Variants in PDXDC1 observed in about 807,000 individuals in gnomAD.
The protein encoded by PDXDC1 is pyridoxal dependent decarboxylase domain containing 1.
In PDXDC1, 42 loss-of-function variants were observed where a neutral mutation model predicts 100.1. The ratio of observed to expected loss-of-function variants is 0.42; its 90% CI spans 0.33 to 0.54. PDXDC1 has a LOEUF of 0.54. Among genes scored for constraint, PDXDC1 ranks in the 20% least tolerant of loss-of-function variants. The pLI is 0.10. For synonymous variants in PDXDC1, 260 were observed against 371.7 expected, an observed-to-expected ratio of 0.70 and a Z score of 3.46; for missense variants, 636 against 979.2, an observed-to-expected ratio of 0.65 and a Z score of 4.68.
chr16:15,132,590 G>A lies in PDXDC1; in HGVS notation c.1400-6289G>A. The A allele has an allele frequency of 5.4e-6, 4 of 739,984 alleles. No homozygotes were observed. The South Asian group carries it at 6.3e-5, about 12-fold the overall frequency. 45.8% of individuals were successfully genotyped at this position (739,984 alleles called of 1,614,324 possible). A position where few individuals can be genotyped will look rare whatever the true frequency, so the allele number is the denominator to read the frequency against. On this transcript the variant is annotated intron_variant, in intron 16 of 16. Coordinates refer to the PDXDC1 transcript ENST00000535621. The stretch of plus-strand genomic sequence containing the variant: ...CTACTGAAGCAGGTCAGAGACCGAG[G>A]AACGCCATGGCATGAAGGAGCCCAG...
intron 15 of PDXDC1, chr16:15,029,436 G>A (rs1162730563): frequency 2.0e-4 from 76 of 370,858 alleles, no homozygotes; most frequent in Non-Finnish European, 1.9e-4. Context: ...TCTAGCCAAT[G>A]CTGGACACGC....
chr16:15,003,080 A>T (rs1326901978), intron 4 of PDXDC1, among the ~76,000 whole-genome samples: 1 of 152,240 alleles, frequency 6.6e-6, no homozygotes, highest in African/African-American at 2.4e-5. Context: ...TATAAGGAAA[A>T]TTAGTTTTAA....
At chr16:15,027,501 G>A (rs2042701921) in intron 14 of PDXDC1, among the ~76,000 whole-genome samples, 1 of 152,290 alleles carries the variant, frequency 6.6e-6, no homozygotes, top group African/African-American at 2.4e-5. Context: ...CCAGGTTCTT[G>A]TCTTGGTGTA....
At chr16:15,061,396 C>T (rs572367311) in intron 16 of PDXDC1, 15 of 245,766 alleles carry the variant, frequency 6.1e-5, no homozygotes, top group Admixed American at 1.1e-4. Flanking sequence ...AACAGCAACC[C>T]GTAAAACAGT....
chr16:15,056,065 G>C (rs1180047031), intron 16 of PDXDC1: 1 of 399,132 alleles, frequency 2.5e-6, no homozygotes, highest in East Asian at 1.3e-4. Context: ...CGGGCCGCGC[G>C]TCCCGCCTCG....
At chr16:15,041,058 C>T (rs376147898), downstream of PDXDC1, 11 of 1,586,064 alleles carry the variant, frequency 6.9e-6, no homozygotes, top group Middle Eastern at 1.7e-4. Flanking sequence ...AAAAGATGCA[C>T]ACTACTTACC....
downstream of PDXDC1, chr16:15,041,779 T>C: frequency 1.2e-6 from 1 of 835,188 alleles, no homozygotes; most frequent in South Asian, 1.3e-5. Context: ...GCCAACTGAG[T>C]GTGCTCCGCC....
intron 11 of PDXDC1, among the ~76,000 whole-genome samples, chr16:15,017,817 A>G (rs2041907286): frequency 6.8e-6 from 1 of 146,436 alleles, no homozygotes; most frequent in African/African-American, 2.5e-5. Context: ...TTTGATATGG[A>G]GTCTCGCTCT....
rs535483075 is a variant in PDXDC1 at position 15,034,370 on chromosome 16, C to G, written c.1897C>G (p.Leu633Val). ...ELQKASEERL[L>V]EEGVLRQIPV... Reference sequence around the variant, plus strand: ...GCAGAAGGCAAGTGAAGAACGGCTTCTGGAAGAGGTGAGGCCCCCGATGGG... The same window carrying G: ...GCAGAAGGCAAGTGAAGAACGGCTTGTGGAAGAGGTGAGGCCCCCGATGGG... The change falls in exon 20 of 23, where the codon CTG (leucine) becomes GTG (valine). Residue 633 changes from leucine to valine, a missense_variant. Physicochemically the swap from Leu to Val is conservative, Grantham distance 32. This residue lies in a region of PDXDC1 where 452 missense variants were observed against 402.9 expected (regional missense o/e 1.12). Coordinates refer to ENST00000396410, the MANE Select transcript of PDXDC1 (RefSeq NM_015027.4). The G allele has an allele frequency of 6.2e-7, 1 of 1,613,438 alleles. No homozygotes were observed. The highest frequency in any genetic ancestry group is 8.5e-7 in the Non-Finnish European group (1 of 1,180,004).
chr16:15,070,302 C>G, intron 16 of PDXDC1: 2 of 1,603,732 alleles, frequency 1.2e-6, no homozygotes, highest in Middle Eastern at 4.6e-4. Context: ...ATAAAAAAAC[C>G]AGAATAACAT....
the PDXDC1 span, among the ~76,000 whole-genome samples, chr16:15,148,869 C>A: frequency 6.6e-6 from 1 of 152,290 alleles, no homozygotes; most frequent in Admixed American, 6.5e-5. Context: ...TCCCTTCCCC[C>A]ACCCCTGCCG....
Position 15,047,797 on chromosome 16 carries a change from A to G in PDXDC1, c.1399+17741A>G, listed in dbSNP as rs935297871. On this transcript the variant is annotated intron_variant, in intron 16 of 16. Transcript: ENST00000535621. ...CAGGAAACTCAACACGAGAAATTCA[A>G]TGGTCCCAAAGGTTGGGTCAGTTTA... 23 of 1,387,776 alleles carry G rather than the reference A, an allele frequency of 1.7e-5. No individual in the cohort carries two copies. In the African/African-American group the frequency reaches 2.5e-4, roughly 15 times the overall value. 86.0% of individuals were successfully genotyped at this position (1,387,776 alleles called of 1,614,324 possible).
At chr16:15,142,058 G>A (rs988727707), downstream of PDXDC1, among the ~76,000 whole-genome samples, 5 of 152,174 alleles carry the variant, frequency 3.3e-5, no homozygotes, top group African/African-American at 9.7e-5. Context: ...AAACTGCCCC[G>A]GGGAGGGGCA....
intron 16 of PDXDC1, chr16:15,130,435 T>G: frequency 6.7e-7 from 1 of 1,494,876 alleles, no homozygotes; most frequent in Admixed American, 1.7e-5. Context: ...AGACGGTAAC[T>G]CCCCACTGGG....
chr16:15,074,778 C>T (rs1444906028), intron 16 of PDXDC1: 1 of 1,614,044 alleles, frequency 6.2e-7, no homozygotes, highest in Admixed American at 1.7e-5. Flanking sequence ...TCAGGATGTC[C>T]AGGCGCTCGG....
intron 16 of PDXDC1, among the ~76,000 whole-genome samples, chr16:15,062,113 G>A (rs1203996476): frequency 2.0e-5 from 3 of 152,154 alleles, no homozygotes; most frequent in Non-Finnish European, 2.9e-5. Flanking sequence ...CAAGAGTTCC[G>A]AATCCAGCCT....
At chr16:15,088,359 C>T (rs543132070) in intron 16 of PDXDC1, among the ~76,000 whole-genome samples, 113 of 151,888 alleles carry the variant, frequency 7.4e-4, no homozygotes, top group African/African-American at 2.5e-3. Context: ...CCCAGATGCT[C>T]GGGAGCCTGA....
chr16:15,036,341 T>C lies in PDXDC1; in HGVS notation c.*66T>C. 1 of 1,392,490 alleles carries C rather than the reference T, an allele frequency of 7.2e-7. No individual in the cohort carries two copies. The highest frequency in any genetic ancestry group is 1.0e-6 in the Non-Finnish European group (1 of 1,005,006). 86.3% of individuals were successfully genotyped at this position (1,392,490 alleles called of 1,614,324 possible). On this transcript the variant is annotated 3_prime_UTR_variant, in exon 23 of 23. Transcript: ENST00000396410. Reference sequence around the variant, plus strand: ...AGGGAAGATGAAGTTCTATTGGAAATGTGAACTGTGCCACATACTAATATA... The same window carrying C: ...AGGGAAGATGAAGTTCTATTGGAAACGTGAACTGTGCCACATACTAATATA...
intron 2 of PDXDC1, 134 bp from the exon 3 acceptor site, chr16:14,998,206 A>G (rs1438272262): frequency 1.3e-6 from 1 of 744,616 alleles, no homozygotes; most frequent in Non-Finnish European, 2.2e-6. Flanking sequence ...AGGCAGGGAG[A>G]TGTGATAAAT....
Sources: allele counts gnomAD v4.1 joint callset (sites outside exome capture counted in the v4.1 genomes callset), GRCh38; gene constraint gnomAD v4.1.1; regional missense constraint gnomAD v4.1.1; transcripts MANE v1.5; gene names NCBI Gene and HGNC (gene_info 2026-07-23, HGNC 2026-07-21).